MAGI1: variants seen among roughly 807,000 people sequenced by gnomAD.
MAGI1 encodes membrane-associated guanylate kinase, WW and PDZ domain-containing protein 1.
In MAGI1, 58 loss-of-function variants were observed where a neutral mutation model predicts 139.9. The ratio of observed to expected loss-of-function variants is 0.41; its 90% CI spans 0.34 to 0.52. The LOEUF (loss-of-function observed/expected upper bound fraction) is 0.52, where lower values mean the gene tolerates loss of function less well. Ranked by LOEUF, MAGI1 falls within the 20% of genes least tolerant of loss-of-function variation. The probability of loss-of-function intolerance (pLI) is 0.12; values close to 1 mark genes in which losing one functional copy is unlikely to be tolerated. For missense variants in MAGI1, 1,874 were observed against 1,901.6 expected (o/e 0.99, Z 0.27); for synonymous variants, 812 against 737.9 (o/e 1.10, Z -1.63).
At chr3:65,795,048 G>A (rs766653663) in intron 1 of MAGI1, among the ~76,000 whole-genome samples, 11 of 152,088 alleles carry the variant, frequency 7.2e-5, no homozygotes, top group African/African-American at 2.2e-4. Flanking sequence ...AAACAGTGAC[G>A]ACAGCAAACA....
intron 2 of MAGI1, among the ~76,000 whole-genome samples, chr3:65,571,433 A>AAATAT (rs2080956699): frequency 1.3e-5 from 2 of 152,120 alleles, no homozygotes; most frequent in Non-Finnish European, 2.9e-5. Context: ...TTATTTATAA[A>AAATAT]AGGATCCAAA....
chr3:65,882,063 T>C (rs1186950779), intron 1 of MAGI1, among the ~76,000 whole-genome samples: 1 of 152,244 alleles, frequency 6.6e-6, no homozygotes, highest in Non-Finnish European at 1.5e-5. Context: ...TGCATTAAAA[T>C]GCAACAATAA....
At chr3:65,932,166 T>C (rs964960699) in intron 1 of MAGI1, among the ~76,000 whole-genome samples, 1 of 152,224 alleles carries the variant, frequency 6.6e-6, no homozygotes, top group Non-Finnish European at 1.5e-5. Context: ...GAACTTGCAC[T>C]CTTCTGATAC....
At chr3:65,691,307 A>AAAAAAAAAAAGAAAAAAAAAAG (rs1388046202) in intron 1 of MAGI1, among the ~76,000 whole-genome samples, 1 of 133,658 alleles carries the variant, frequency 7.5e-6, no homozygotes, top group Non-Finnish European at 1.7e-5. Context: ...CGTCTCAAAA[A>AAAAAAAAAAAGAAAAAAAAAAG]AAAAAAAAGA....
At chr3:65,926,327 TTCTC>T (rs377665681) in intron 1 of MAGI1, among the ~76,000 whole-genome samples, 3,712 of 115,600 alleles carry the variant, frequency 0.032, 71 homozygotes, top group Middle Eastern at 0.038. Context: ...AAGTCTTCTT[TTCTC>T]TCTCTCTCTC....
intron 18 of MAGI1, 147 bp from the exon 19 acceptor site, chr3:65,365,093 T>G: frequency 1.3e-6 from 1 of 787,724 alleles, no homozygotes; most frequent in Non-Finnish European, 2.3e-6. Context: ...TCTAGACAAT[T>G]AGGAGTTTAA....
At chr3:65,396,624 T>C (rs1944411483) in intron 13 of MAGI1, among the ~76,000 whole-genome samples, 1 of 152,240 alleles carries the variant, frequency 6.6e-6, no homozygotes, top group Non-Finnish European at 1.5e-5. Context: ...GCTTAAATGA[T>C]GAAAAGAATT....
At chr3:65,950,070 AAAAAAAAC>A (rs2063739612) in intron 1 of MAGI1, among the ~76,000 whole-genome samples, 1 of 68,416 alleles carries the variant, frequency 1.5e-5, no homozygotes, top group African/African-American at 4.2e-5. Flanking sequence ...AAAAAAACAA[AAAAAAAAC>A]AAAAAAAAAA....
intron 1 of MAGI1, among the ~76,000 whole-genome samples, chr3:65,915,682 G>A (rs376541049): frequency 2.6e-5 from 4 of 152,064 alleles, no homozygotes; most frequent in Non-Finnish European, 5.9e-5. Context: ...CAAGTGGCAC[G>A]TAGTTCCATC....
intron 3 of MAGI1, among the ~76,000 whole-genome samples, chr3:65,491,486 AC>A (rs1316619375): frequency 6.6e-6 from 1 of 151,686 alleles, no homozygotes; most frequent in Non-Finnish European, 1.5e-5. Context: ...AACCACTCCC[AC>A]CCCAGCCTCT....
At chr3:65,746,567 A>G (rs1408115700) in intron 1 of MAGI1, among the ~76,000 whole-genome samples, 1 of 152,104 alleles carries the variant, frequency 6.6e-6, no homozygotes, top group African/African-American at 2.4e-5. Context: ...CCTACTTGAC[A>G]TCTCATCCAA....
chr3:65,588,436 T>G (rs2081799162), intron 2 of MAGI1, among the ~76,000 whole-genome samples: 1 of 152,154 alleles, frequency 6.6e-6, no homozygotes, highest in South Asian at 2.1e-4. Context: ...GATGACAAAC[T>G]ACTCCCCATA....
intron 1 of MAGI1, among the ~76,000 whole-genome samples, chr3:65,644,106 T>C (rs777315489): frequency 6.6e-6 from 1 of 152,116 alleles, no homozygotes; most frequent in Non-Finnish European, 1.5e-5. Flanking sequence ...AACCTAGACT[T>C]CTACCCCCAC....
chr3:65,419,989 C>T (rs1392772610), intron 12 of MAGI1, among the ~76,000 whole-genome samples: 12 of 152,088 alleles, frequency 7.9e-5, no homozygotes, highest in Admixed American at 7.9e-4. Flanking sequence ...TCCCAAGTCC[C>T]CCACTGCCGT....
chr3:65,643,671 C>CAAT, intron 1 of MAGI1, among the ~76,000 whole-genome samples: 1 of 149,502 alleles, frequency 6.7e-6, no homozygotes. Flanking sequence ...ACAACAACAA[C>CAAT]AACAACAACA....
In MAGI1 at chr3:65,405,249, T is replaced by C. The variant is rs192268800; in HGVS notation, c.2168-3779A>G. Among the ~76,000 whole-genome samples the C allele has an allele frequency of 7.9e-5, 12 of 152,338 alleles. No homozygotes were observed. In the East Asian group the frequency reaches 1.5e-3, roughly 20 times the overall value. On this transcript the variant is annotated intron_variant, in intron 12 of 22. Coordinates refer to ENST00000402939, the MANE Select transcript of MAGI1 (RefSeq NM_001033057.2). ...TGGAAAAAACGAATGGCAAATTCTTTGCTAGTGACTGGGACCTGACCAACT... is the reference window on the plus strand; with the variant it reads ...TGGAAAAAACGAATGGCAAATTCTTCGCTAGTGACTGGGACCTGACCAACT...
chr3:65,720,387 C>G (rs1014054310), intron 1 of MAGI1, among the ~76,000 whole-genome samples: 15 of 152,074 alleles, frequency 9.9e-5, no homozygotes, highest in African/African-American at 3.4e-4. Context: ...TGAAGCCTAC[C>G]CTGGAAGACT....
intron 5 of MAGI1, among the ~76,000 whole-genome samples, chr3:65,464,985 T>TTATA (rs149677255): frequency 4.1e-5 from 6 of 146,228 alleles, no homozygotes; most frequent in African/African-American, 7.4e-5. Flanking sequence ...TGCACACATT[T>TTATA]TATATATATA....
At position 65,692,474 on chromosome 3, in the gene MAGI1, C is replaced by T. The variant is rs75041132; in HGVS notation, c.314-70386G>A. ...CCCTGAGTCCCTCACAAAAAGCCTA[C>T]AGTGGCCTTGACTTACCCTACATAG... On this transcript the variant is annotated intron_variant, in intron 1 of 22. Transcript: ENST00000402939. 2.7e-3 allele frequency among the ~76,000 whole-genome samples: 410 copies of T among 152,310 alleles called. 12 individuals carry two copies. In the East Asian group the frequency reaches 0.067, roughly 25 times the overall value.
Sources: allele counts gnomAD v4.1 joint callset (sites outside exome capture counted in the v4.1 genomes callset), GRCh38; gene constraint gnomAD v4.1.1; transcripts MANE v1.5; gene names NCBI Gene and HGNC (gene_info 2026-07-23, HGNC 2026-07-21).